The following TP63 variants were observed in gnomAD, a reference collection of about 807,000 sequenced individuals.
TP63 encodes the protein tumor protein 63.
Under a neutral mutation model 82.8 loss-of-function variants are expected in TP63, and 17 were observed. The observed-to-expected ratio is 0.21, with a 90% confidence interval of 0.14 to 0.31. The LOEUF (loss-of-function observed/expected upper bound fraction) is 0.31. TP63 is among the 10% of genes least tolerant of loss of function. TP63 has a pLI of 1.00. For missense variants in TP63, 648 were observed against 895.3 expected (o/e 0.72, Z 3.52); for synonymous variants, 330 against 321.7 (o/e 1.03, Z -0.28).
At chr3:189,832,299 C>G (rs1712485461) in intron 4 of TP63, among the ~76,000 whole-genome samples, 2 of 152,048 alleles carry the variant, frequency 1.3e-5, no homozygotes, top group South Asian at 2.1e-4. Flanking sequence ...TATAATCAAC[C>G]CCAGGGACTG....
chr3:189,703,530 A>G (rs4575879), intron 1 of TP63, among the ~76,000 whole-genome samples: 62,769 of 151,868 alleles, frequency 0.41, 13,243 homozygotes, highest in East Asian at 0.64. Flanking sequence ...AAGAAAAGAA[A>G]AGGCAGGTGG....
intron 4 of TP63, among the ~76,000 whole-genome samples, chr3:189,825,053 G>A (rs1199425660): frequency 6.6e-6 from 1 of 152,136 alleles, no homozygotes; most frequent in Non-Finnish European, 1.5e-5. Context: ...TTTGCTTCTG[G>A]CAAAGAAGGT....
chr3:189,806,731 A>T (rs1347372038), intron 3 of TP63, among the ~76,000 whole-genome samples: 1 of 152,206 alleles, frequency 6.6e-6, no homozygotes. Flanking sequence ...AAAGAGATTA[A>T]TAGTTATTTG....
rs532506426 is a variant in TP63, at chr3:189,664,206, T to C, written c.62+32629T>C. Among the ~76,000 whole-genome samples, 9 of 152,236 alleles carry C rather than the reference T, an allele frequency of 5.9e-5. 1 individual carries two copies. The highest frequency in any genetic ancestry group is 5.9e-4 in the Admixed American group (9 of 15,276). On this transcript the variant is annotated intron_variant, in intron 1 of 13. Transcript: ENST00000264731. ...AGAGCTTTTTGGTAAAAATAGGCACTTGGACATGTGAACAGCAACAGGAAT... is the reference window on the plus strand; with the variant it reads ...AGAGCTTTTTGGTAAAAATAGGCACCTGGACATGTGAACAGCAACAGGAAT...
chr3:189,714,183 G>A (rs1423915082), intron 1 of TP63, among the ~76,000 whole-genome samples: 1 of 152,118 alleles, frequency 6.6e-6, no homozygotes, highest in Non-Finnish European at 1.5e-5. Flanking sequence ...GATGCAAAGC[G>A]TCACAGGACC....
intron 4 of TP63, among the ~76,000 whole-genome samples, chr3:189,830,280 G>T (rs1236549806): frequency 6.6e-6 from 1 of 152,122 alleles, no homozygotes; most frequent in Non-Finnish European, 1.5e-5. Context: ...ACAAAAGATT[G>T]ATAATTTGTG....
At chr3:189,843,348 A>G (rs1466132857) in intron 4 of TP63, among the ~76,000 whole-genome samples, 1 of 152,146 alleles carries the variant, frequency 6.6e-6, no homozygotes, top group African/African-American at 2.4e-5. Context: ...CTTGATGTCA[A>G]CATTTGTGGG....
intron 4 of TP63, among the ~76,000 whole-genome samples, chr3:189,845,119 T>A (rs1577088316): frequency 6.6e-6 from 1 of 152,260 alleles, no homozygotes; most frequent in South Asian, 2.1e-4. Flanking sequence ...AGACAGACTT[T>A]GTACTTGATT....
intron 4 of TP63, among the ~76,000 whole-genome samples, chr3:189,828,757 A>G (rs1711834679): frequency 6.6e-6 from 1 of 152,200 alleles, no homozygotes; most frequent in African/African-American, 2.4e-5. Flanking sequence ...TCTTATCTGT[A>G]AAAGAAACAT....
At chr3:189,812,472 G>C (rs1486437910) in intron 4 of TP63, among the ~76,000 whole-genome samples, 2 of 152,126 alleles carry the variant, frequency 1.3e-5, no homozygotes, top group Non-Finnish European at 2.9e-5. Flanking sequence ...ATATAATGTA[G>C]TGCTGGTCTA....
upstream of TP63, among the ~76,000 whole-genome samples, chr3:189,628,435 G>A (rs1214332582): frequency 6.6e-6 from 1 of 152,086 alleles, no homozygotes; most frequent in African/African-American, 2.4e-5. Flanking sequence ...TTGGCAGAGT[G>A]CATGTTCTTG....
intron 1 of TP63, among the ~76,000 whole-genome samples, 174 bp downstream of exon 1, chr3:189,631,751 T>G (rs988933576): frequency 6.6e-6 from 1 of 152,158 alleles, no homozygotes; most frequent in African/African-American, 2.4e-5. Context: ...CTGAATGTCT[T>G]TTTTGGTTGA....
chr3:189,637,878 A>G (rs1020161629), intron 1 of TP63, among the ~76,000 whole-genome samples: 24 of 152,142 alleles, frequency 1.6e-4, no homozygotes, highest in African/African-American at 4.8e-4. Context: ...TATTATCCCT[A>G]TGGGCACCAT....
chr3:189,652,770 C>T (rs1247795764), intron 1 of TP63, among the ~76,000 whole-genome samples: 5 of 146,450 alleles, frequency 3.4e-5, no homozygotes, highest in Non-Finnish European at 3.0e-5. Flanking sequence ...GCAGTTTCCC[C>T]CATCCTGTTC....
rs2108806149 is a variant in TP63, at chr3:189,868,584, C to A, written c.997C>A (p.Gln333Lys). 6.2e-7 allele frequency: 1 copy of A among 1,614,004 alleles called. No individual in the cohort carries two copies. Among genetic ancestry groups the A allele is most frequent in the Non-Finnish European group, 8.5e-7 (1 of 1,179,964 alleles). ...CCCCTTTATTCTAATTCCTAGTGGG[C>A]AAGTCCTGGGCCGACGCTGCTTTGA... ...IIVTLETRDG[Q>K]VLGRRCFEAR... The change falls in exon 8 of 14, where the codon CAA becomes AAA. Residue 333 changes from glutamine (Q) to lysine (K), a missense_variant. Gln to Lys is a moderately conservative substitution (Grantham distance 53, BLOSUM62 1). Transcript: ENST00000264731.
At chr3:189,668,273 A>T (rs996141399) in intron 1 of TP63, among the ~76,000 whole-genome samples, 2 of 152,174 alleles carry the variant, frequency 1.3e-5, no homozygotes, top group Admixed American at 1.3e-4. Flanking sequence ...ATCATCCAAG[A>T]TGTCCAGTAT....
At chr3:189,696,302 T>G (rs149913267) in intron 1 of TP63, among the ~76,000 whole-genome samples, 96 of 152,260 alleles carry the variant, frequency 6.3e-4, no homozygotes, top group African/African-American at 2.1e-3. Flanking sequence ...AATCATATGG[T>G]ATGTAGCCTT....
intron 1 of TP63, among the ~76,000 whole-genome samples, chr3:189,733,749 A>G (rs902846613): frequency 6.6e-6 from 1 of 152,234 alleles, no homozygotes; most frequent in South Asian, 2.1e-4. Flanking sequence ...GAGAGTATTT[A>G]TAAGTTTCAC....
At chr3:189,639,447 T>G (rs1711613412) in intron 1 of TP63, among the ~76,000 whole-genome samples, 1 of 152,206 alleles carries the variant, frequency 6.6e-6, no homozygotes, top group South Asian at 2.1e-4. Context: ...TTCCATTCTC[T>G]ACTTAATCTG....
Sources: gnomAD v4.1 joint callset for allele counts (sites outside exome capture counted in the v4.1 genomes callset) on GRCh38, gnomAD v4.1.1 for gene constraint, MANE v1.5 for transcripts, NCBI Gene and HGNC (gene_info 2026-07-23, HGNC 2026-07-21) for gene names.